C2orf92: variants seen among roughly 807,000 people sequenced by gnomAD.
The protein encoded by C2orf92 is uncharacterized protein C2orf92.
intron 4 of C2orf92, among the ~76,000 whole-genome samples, chr2:97,689,947 G>A (rs902686566): frequency 3.3e-4 from 50 of 152,184 alleles, no homozygotes; most frequent in African/African-American, 1.1e-3. Flanking sequence ...TGACCAACAT[G>A]GCGAAACCCT....
At chr2:97,679,778 C>T (rs1450301210) in intron 3 of C2orf92, among the ~76,000 whole-genome samples, 4 of 141,540 alleles carry the variant, frequency 2.8e-5, no homozygotes, top group South Asian at 2.2e-4. Context: ...CGGAGGTTGC[C>T]GTGAGCCAAG....
At chr2:97,665,755 ATATATAT>A (rs1559293351), upstream of C2orf92, 1 of 126,122 alleles carries the variant, frequency 7.9e-6, no homozygotes, top group African/African-American at 2.9e-5. Flanking sequence ...ATATATATAT[ATATATAT>A]ATATATATAT....
intron 7 of C2orf92, 55 bp downstream of exon 7, chr2:97,701,359 C>T (rs1228250010): frequency 2.3e-5 from 9 of 397,184 alleles, no homozygotes; most frequent in East Asian, 7.1e-5. Context: ...TTAGAACTCA[C>T]GCTGCCCTCA....
chr2:97,683,282 A>G lies in C2orf92; in HGVS notation c.233-5613A>G, dbSNP rs77386970. 3.2e-3 allele frequency among the ~76,000 whole-genome samples: 494 copies of G among 152,356 alleles called. 1 individual carries two copies. The highest frequency in any genetic ancestry group is 0.01 in the African/African-American group (430 of 41,580). On this transcript the variant is annotated intron_variant, in intron 3 of 7. Transcript: ENST00000627399. Reference sequence around the variant, plus strand: ...TTATATCAAAAAGAATAAAATACTTAGAGATAAACTTAGCCGAGAAAGTGA... The same window carrying G: ...TTATATCAAAAAGAATAAAATACTTGGAGATAAACTTAGCCGAGAAAGTGA...
At chr2:97,677,611 C>G (rs1398049089) in intron 3 of C2orf92, 1 of 152,096 alleles carries the variant, frequency 6.6e-6, no homozygotes, top group Admixed American at 6.5e-5. Flanking sequence ...CCAGAGTTAT[C>G]AAAATGTAAT....
intron 3 of C2orf92, among the ~76,000 whole-genome samples, chr2:97,676,298 G>A (rs1675574776): frequency 1.3e-5 from 2 of 151,772 alleles, no homozygotes; most frequent in South Asian, 2.1e-4. Flanking sequence ...GCTGGGCATG[G>A]TGGTGTGCAC....
intron 2 of C2orf92, among the ~76,000 whole-genome samples, chr2:97,675,182 T>C (rs1241758703): frequency 2.0e-5 from 3 of 152,168 alleles, no homozygotes; most frequent in African/African-American, 7.2e-5. Context: ...GTGGACATCA[T>C]GTGAATTAGG....
At position 97,678,980 on chromosome 2, in the gene C2orf92, G is replaced by GA. The variant is rs543236292; in HGVS notation, c.232+3067dup. ...GTGATGGGAGTGAGATCCTTTCTTGGAAAAAAAAAAAAAAAGTAAAAAGGA... is the reference window on the plus strand; with the variant it reads ...GTGATGGGAGTGAGATCCTTTCTTGGAAAAAAAAAAAAAAAAGTAAAAAGGA... On this transcript the variant is annotated intron_variant, in intron 3 of 7. Transcript: ENST00000627399. Among the ~76,000 whole-genome samples, 366 of 124,840 alleles carry GA rather than the reference G, an allele frequency of 2.9e-3. 1 individual carries two copies. Among genetic ancestry groups the GA allele is most frequent in the African/African-American group, 6.1e-3 (206 of 33,686 alleles). 81.9% of individuals were successfully genotyped at this position (124,840 alleles called of 152,430 possible). A position where few individuals can be genotyped will look rare whatever the true frequency, so the allele number is the denominator to read the frequency against.
rs557618642 is a variant in C2orf92, at chr2:97,696,778, C to T, written c.404-2248C>T. Reference sequence around the variant, plus strand: ...AAAAAACCAATGGTCGAAAACATCTCGATAGGAGGAGGAGTGGGGAAATGA... The same window carrying T: ...AAAAAACCAATGGTCGAAAACATCTTGATAGGAGGAGGAGTGGGGAAATGA... On this transcript the variant is annotated intron_variant, in intron 5 of 7. Coordinates refer to ENST00000627399, the MANE Select transcript of C2orf92 (RefSeq NM_001351368.2). Among the ~76,000 whole-genome samples the T allele has an allele frequency of 5.6e-4, 85 of 152,136 alleles. 1 individual carries two copies. Among genetic ancestry groups the T allele is most frequent in the African/African-American group, 2.0e-3 (82 of 41,494 alleles).
At chr2:97,685,522 C>T (rs548524169) in intron 3 of C2orf92, among the ~76,000 whole-genome samples, 54 of 152,034 alleles carry the variant, frequency 3.6e-4, no homozygotes, top group Non-Finnish European at 5.7e-4. Context: ...GCTTTGGCCT[C>T]CCAAATTGCT....
chr2:97,693,501 A>G (rs952806377), intron 5 of C2orf92, among the ~76,000 whole-genome samples: 1 of 152,226 alleles, frequency 6.6e-6, no homozygotes, highest in Non-Finnish European at 1.5e-5. Context: ...TTACATATTT[A>G]AAAAATCAAG....
chr2:97,675,610 A>G (rs1675548831), intron 2 of C2orf92: 1 of 380,262 alleles, frequency 2.6e-6, no homozygotes, highest in Admixed American at 4.5e-5. Context: ...CTCAATGCTT[A>G]TGCATATTGT....
At chr2:97,690,090 C>A (rs941294967) in intron 4 of C2orf92, among the ~76,000 whole-genome samples, 166 bp from the exon 5 acceptor site, 8 of 151,834 alleles carry the variant, frequency 5.3e-5, no homozygotes, top group Admixed American at 3.3e-4. Context: ...GAGATCTTGC[C>A]ACTGCACTCC....
chr2:97,693,316 G>A (rs572417901), intron 5 of C2orf92, among the ~76,000 whole-genome samples: 1 of 152,264 alleles, frequency 6.6e-6, no homozygotes, highest in African/African-American at 2.4e-5. Context: ...CCAAGATCCT[G>A]TTTTCAATTC....
In C2orf92 at chr2:97,676,433, C is replaced by CA. The variant is rs1302287547; in HGVS notation, c.232+520dup. Among the ~76,000 whole-genome samples, 186 of 30,916 alleles carry CA rather than the reference C, an allele frequency of 6.0e-3. 9 individuals carry two copies. Among genetic ancestry groups the CA allele is most frequent in the African/African-American group, 0.018 (101 of 5,760 alleles). 20.3% of individuals were successfully genotyped at this position (30,916 alleles called of 152,430 possible). The stretch of plus-strand genomic sequence containing the variant: ...TGGGCGACAGAGCAAGACTCCATCT[C>CA]AAAAAAAAAAAAAAAGAAAAAAAAA... On this transcript the variant is annotated intron_variant, in intron 3 of 7. Transcript: ENST00000627399.
chr2:97,668,156 G>A (rs769220706), upstream of C2orf92: 5 of 152,148 alleles, frequency 3.3e-5, no homozygotes, highest in Non-Finnish European at 7.4e-5. Flanking sequence ...TGTGGGTTTT[G>A]TGTTGTTTTA....
intron 5 of C2orf92, among the ~76,000 whole-genome samples, chr2:97,694,901 T>G (rs967396549): frequency 6.6e-6 from 1 of 152,216 alleles, no homozygotes; most frequent in Non-Finnish European, 1.5e-5. Flanking sequence ...CCCTAATGAT[T>G]AGTGATGTTG....
intron 3 of C2orf92, among the ~76,000 whole-genome samples, chr2:97,685,814 C>T (rs962043103): frequency 2.0e-5 from 3 of 151,572 alleles, no homozygotes; most frequent in South Asian, 2.1e-4. Flanking sequence ...CTGCCCTCCT[C>T]GGCCTCCCAA....
rs1675557328 is a variant in C2orf92, at chr2:97,675,843, A to G, written c.149-2A>G. 5.0e-6 allele frequency: 2 copies of G among 398,974 alleles called. No homozygotes were observed. Among genetic ancestry groups the G allele is most frequent in the Non-Finnish European group, 8.8e-6 (2 of 226,070 alleles). The allele number at this position is 398,974 out of a possible 1,614,324, so 24.7% of individuals were successfully genotyped here. Reference sequence around the variant, plus strand: ...TCACAGCCATGGTTTATTTTCCCTTAGGCTATTCCCAACAGAAGAGCTTGA... The same window carrying G: ...TCACAGCCATGGTTTATTTTCCCTTGGGCTATTCCCAACAGAAGAGCTTGA... On this transcript the variant is annotated splice_acceptor_variant, in intron 2 of 7. Transcript: ENST00000627399. LOFTEE classifies it high-confidence loss of function.
Sources: gnomAD v4.1 joint callset for allele counts (sites outside exome capture counted in the v4.1 genomes callset) on GRCh38, gnomAD v4.1.1 for gene constraint, MANE v1.5 for transcripts, NCBI Gene and HGNC (gene_info 2026-07-23, HGNC 2026-07-21) for gene names.